BCORL1: variants seen among roughly 807,000 people sequenced by gnomAD.
BCORL1 encodes the protein BCL-6 corepressor-like protein 1.
In BCORL1, 7 loss-of-function variants were observed where a neutral mutation model predicts 87.6. The ratio of observed to expected loss-of-function variants is 0.08; its 90% confidence interval spans 0.05 to 0.15. The LOEUF (loss-of-function observed/expected upper bound fraction) is 0.15. Among genes scored for constraint, BCORL1 ranks in the 10% least tolerant of loss-of-function variants. BCORL1 has a pLI of 1.00. For synonymous variants in BCORL1, 591 were observed against 634.4 expected (o/e 0.93, Z 1.03); for missense variants, 1,215 against 1,499.7 (o/e 0.81, Z 3.13).
chrX:130,012,573 G>C lies in BCORL1; in HGVS notation c.87-5G>C. The C allele has an allele frequency of 8.3e-7, 1 of 1,203,922 alleles. No homozygotes were observed. The highest frequency in any genetic ancestry group is 1.7e-5 in the African/African-American group (1 of 57,785). On this transcript the variant is annotated splice_polypyrimidine_tract_variant and splice_region_variant and intron_variant, in intron 2 of 13. Coordinates refer to ENST00000540052, the MANE Select transcript of BCORL1 (RefSeq NM_001379451.1). ...TCCCTTCTCTGGTTGTATCTTCCAT[G>C]CTAGAAGAGCACCTCTTTCTGATGA...
chrX:130,013,071 A>G lies in BCORL1; in HGVS notation c.299A>G (p.Asp100Gly). Reference sequence around the variant, plus strand: ...CCTGACGATCCCCAGCCAAAAATGGACTACGCTGGGAACGTGGCAGAGGCT... The same window carrying G: ...CCTGACGATCCCCAGCCAAAAATGGGCTACGCTGGGAACGTGGCAGAGGCT... Reference protein sequence around the residue: ...DKPDDPQPKMDYAGNVAEAEG... With the variant: ...DKPDDPQPKMGYAGNVAEAEG... Residue 100 changes from aspartate to glycine, a missense_variant, in exon 4 of 14, where the codon GAC becomes GGC. Coordinates refer to ENST00000540052, the MANE Select transcript of BCORL1 (RefSeq NM_001379451.1). 8.3e-7 allele frequency: 1 copy of G among 1,210,986 alleles called. No homozygotes were observed. Among genetic ancestry groups the G allele is most frequent in the Non-Finnish European group, 1.1e-6 (1 of 894,664 alleles).
rs749559990 is a variant in BCORL1, at chrX:130,014,534, G to A, written c.1762G>A (p.Glu588Lys). The A allele has an allele frequency of 7.4e-6, 9 of 1,211,542 alleles. No homozygotes were observed. Among genetic ancestry groups the A allele is most frequent in the African/African-American group, 1.7e-5 (1 of 57,763 alleles). ...CCCCGCCAAGATGCCCAGTGGCACC[G>A]AGCAGCAAACAGAAGGGACTTCCGT... The part of the protein sequence containing the change: ...PHPAKMPSGT[E>K]QQTEGTSVTF... The change falls in exon 4 of 14, where the codon GAG becomes AAG. Residue 588 changes from glutamate to lysine, a missense_variant. Coordinates refer to ENST00000540052, the MANE Select transcript of BCORL1 (RefSeq NM_001379451.1).
At chrX:130,035,907 C>T (rs866657018) in intron 9 of BCORL1, among the ~76,000 whole-genome samples, 7 of 112,239 alleles carry the variant, frequency 6.2e-5, no homozygotes, top group East Asian at 2.8e-4. Context: ...GGCTTTCTCC[C>T]GGGTAAAGGA....
chrX:129,982,202 T>TG (rs1388523102), upstream of BCORL1, among the ~76,000 whole-genome samples: 36 of 100,997 alleles, frequency 3.6e-4, no homozygotes, highest in Non-Finnish European at 5.1e-4. Context: ...GGCGTCGAGG[T>TG]GGGGGGGGAC....
chrX:130,012,890 G>T, intron 3 of BCORL1, 60 bp from the exon 4 acceptor site: 2 of 1,158,466 alleles, frequency 1.7e-6, no homozygotes, highest in Non-Finnish European at 2.3e-6. Flanking sequence ...TCGGGCCTCA[G>T]GACACTTGCA....
At chrX:130,004,823 C>A (rs1928362909) in intron 1 of BCORL1, among the ~76,000 whole-genome samples, 1 of 111,990 alleles carries the variant, frequency 8.9e-6, no homozygotes, top group Non-Finnish European at 1.9e-5. Context: ...TTTAGTGCAC[C>A]ATTCATATAT....
intron 1 of BCORL1, among the ~76,000 whole-genome samples, chrX:129,990,229 A>AT (rs946146112): frequency 9.1e-6 from 1 of 110,050 alleles, no homozygotes; most frequent in Admixed American, 9.7e-5. Flanking sequence ...TTATATATAT[A>AT]TTTTTTTCTT....
intron 1 of BCORL1, among the ~76,000 whole-genome samples, chrX:129,984,571 G>C (rs778381434): frequency 1.8e-5 from 2 of 111,814 alleles, no homozygotes; most frequent in South Asian, 7.6e-4. Context: ...TCGGTGGAGG[G>C]GGCCCTCCTC....
intron 10 of BCORL1, 123 bp downstream of exon 10, chrX:130,037,656 G>C (rs922051737): frequency 2.2e-5 from 18 of 815,491 alleles, no homozygotes; most frequent in Non-Finnish European, 2.9e-5. Context: ...ACTTTGGGAG[G>C]CCAAGGCGGG....
In BCORL1 at chrX:130,011,144, G is replaced by A. The variant is rs998129278; in HGVS notation, c.87-1434G>A. Among the ~76,000 whole-genome samples, 10 of 109,277 alleles carry A rather than the reference G, an allele frequency of 9.2e-5. No homozygotes were observed. The East Asian group carries it at 1.1e-3, about 12-fold the overall frequency. 94.9% of individuals were successfully genotyped at this position (109,277 alleles called of 115,157 possible). ...GCCCACCCAGGAAACGCACTGCAGCGTCTATGTTGGGGTTTTATTCTTTAA... is the reference window on the plus strand; with the variant it reads ...GCCCACCCAGGAAACGCACTGCAGCATCTATGTTGGGGTTTTATTCTTTAA... On this transcript the variant is annotated intron_variant, in intron 2 of 13. Coordinates refer to ENST00000540052, the MANE Select transcript of BCORL1 (RefSeq NM_001379451.1).
chrX:130,038,485 C>T (rs1931094715), intron 10 of BCORL1, among the ~76,000 whole-genome samples: 1 of 99,838 alleles, frequency 1.0e-5, no homozygotes, highest in Non-Finnish European at 2.0e-5. Context: ...TTGCCCCCAC[C>T]TTTTTTTTTT....
At chrX:130,050,331 G>A (rs994422312) in intron 11 of BCORL1, among the ~76,000 whole-genome samples, 2 of 110,043 alleles carry the variant, frequency 1.8e-5, no homozygotes, top group Non-Finnish European at 3.8e-5. Context: ...TCAGTTACTC[G>A]GGAGGCTGAG....
chrX:130,029,024 A>T (rs1031693032), intron 8 of BCORL1, among the ~76,000 whole-genome samples, 163 bp downstream of exon 8: 10 of 111,308 alleles, frequency 9.0e-5, no homozygotes, highest in African/African-American at 3.3e-4. Context: ...AATGGGAACT[A>T]AAGTTATAGT....
At chrX:130,016,356 GT>G in intron 4 of BCORL1, 143 bp downstream of exon 4, 1 of 810,042 alleles carries the variant, frequency 1.2e-6, no homozygotes, top group Non-Finnish European at 1.7e-6. Flanking sequence ...GAAGGCTTTT[GT>G]AAAAGTAATA....
At position 130,056,421 on chromosome X, in the gene BCORL1, C is replaced by T. The variant is rs1209994246; in HGVS notation, c.*285C>T. Reference sequence around the variant, plus strand: ...AGGTCCCGGGGGTGGTGGGAGGTGGCGCCGGGGTCCCTTGGACTGGCCTCC... The same window carrying T: ...AGGTCCCGGGGGTGGTGGGAGGTGGTGCCGGGGTCCCTTGGACTGGCCTCC... On this transcript the variant is annotated 3_prime_UTR_variant, in exon 14 of 14. Coordinates refer to ENST00000540052, the MANE Select transcript of BCORL1 (RefSeq NM_001379451.1). 3 of 256,842 alleles carry T rather than the reference C, an allele frequency of 1.2e-5. No individual in the cohort carries two copies. The highest frequency in any genetic ancestry group is 2.8e-5 in the African/African-American group (1 of 35,332). The allele number at this position is 256,842 out of a possible 1,213,427, so 21.2% of individuals were successfully genotyped here.
At chrX:130,000,477 T>C (rs1188228008) in intron 1 of BCORL1, among the ~76,000 whole-genome samples, 5 of 112,500 alleles carry the variant, frequency 4.4e-5, no homozygotes, top group Non-Finnish European at 9.4e-5. Context: ...GTCTTCATAA[T>C]GTTAAAAGAT....
rs761540376 is a variant in BCORL1 at position 130,020,989 on chromosome X, G to A, written c.3446G>A (p.Arg1149Gln). 1.5e-5 allele frequency: 18 copies of A among 1,165,489 alleles called. No homozygotes were observed. The highest frequency in any genetic ancestry group is 5.9e-5 in the Admixed American group (2 of 33,921). The change falls in exon 5 of 14, where the codon CGG becomes CAG. Residue 1149 changes from arginine (R) to glutamine (Q), a missense_variant. Coordinates refer to ENST00000540052, the MANE Select transcript of BCORL1 (RefSeq NM_001379451.1). The stretch of plus-strand genomic sequence containing the variant: ...TGACCCTCTACCTCTCCACAGTGCC[G>A]GAAGCTGCCCAGTGACCCCCAGGAA... Reference protein sequence around the residue: ...VVRSSHRPKCRKLPSDPQEST... With the variant: ...VVRSSHRPKCQKLPSDPQEST...
Position 130,056,369 on chromosome X carries a change from A to G in BCORL1, c.*233A>G. ...TATCGTGGTTGCTGATGGGGGTGGA[A>G]AGTTGAACTCCATGTCTGAGGACAA... On this transcript the variant is annotated 3_prime_UTR_variant, in exon 14 of 14. Coordinates refer to ENST00000540052, the MANE Select transcript of BCORL1 (RefSeq NM_001379451.1). 1 of 347,517 alleles carries G rather than the reference A, an allele frequency of 2.9e-6. No homozygotes were observed. The allele number at this position is 347,517 out of a possible 1,213,427, so 28.6% of individuals were successfully genotyped here. A position where few individuals can be genotyped will look rare whatever the true frequency, so the allele number is the denominator to read the frequency against.
chrX:130,012,101 G>T (rs1193790581), intron 2 of BCORL1, among the ~76,000 whole-genome samples: 2 of 111,609 alleles, frequency 1.8e-5, no homozygotes, highest in Non-Finnish European at 3.8e-5. Context: ...TTTTAGAAGA[G>T]GATTACCCAT....
Sources: allele counts gnomAD v4.1 joint callset (sites outside exome capture counted in the v4.1 genomes callset), GRCh38; gene constraint gnomAD v4.1.1; transcripts MANE v1.5; gene names NCBI Gene and HGNC (gene_info 2026-07-23, HGNC 2026-07-21).